Variants in RAPGEF1 observed in about 807,000 individuals in gnomAD.
RAPGEF1 encodes Rap guanine nucleotide exchange factor 1, also known as CRK SH3-binding GNRP.
Under a neutral mutation model 143.3 loss-of-function variants are expected in RAPGEF1, and 33 were observed. The ratio of observed to expected loss-of-function variants is 0.23; its 90% CI spans 0.17 to 0.31. The LOEUF (loss-of-function observed/expected upper bound fraction) is 0.31. Among genes scored for constraint, RAPGEF1 ranks in the 10% least tolerant of loss-of-function variants. RAPGEF1 has a pLI of 1.00. For synonymous variants in RAPGEF1, 629 were observed against 676.5 expected (o/e 0.93, Z 1.09); for missense variants, 1,199 against 1,645.4 (o/e 0.73, Z 4.69).
At chr9:131,619,323 T>C in intron 11 of RAPGEF1, 117 bp from the exon 12 acceptor site, 1 of 914,784 alleles carries the variant, frequency 1.1e-6, no homozygotes, top group Non-Finnish European at 1.5e-6. Context: ...TAACAGACGT[T>C]CTGGAGAGGG....
At chr9:131,738,339 G>A (rs1183754949) in intron 1 of RAPGEF1, among the ~76,000 whole-genome samples, 2 of 152,050 alleles carry the variant, frequency 1.3e-5, no homozygotes, top group Non-Finnish European at 2.9e-5. Context: ...GTACCGTTCT[G>A]ACAAGACACT....
At chr9:131,623,975 A>G (rs1349208244) in intron 10 of RAPGEF1, among the ~76,000 whole-genome samples, 1 of 152,216 alleles carries the variant, frequency 6.6e-6, no homozygotes, top group Non-Finnish European at 1.5e-5. Flanking sequence ...GACTGGGGAC[A>G]AGGATGAGGC....
Position 131,584,483 on chromosome 9 carries a change from T to G in RAPGEF1, c.3312+35A>C. 6.2e-7 allele frequency: 1 copy of G among 1,613,348 alleles called. No homozygotes were observed. The highest frequency in any genetic ancestry group is 2.2e-5 in the East Asian group (1 of 44,870). ...CCCGGGCTCCCAGAGCAGGGACTGATGATGGGGGCCTGGGAAGGACTTGGC... is the reference window on the plus strand; with the variant it reads ...CCCGGGCTCCCAGAGCAGGGACTGAGGATGGGGGCCTGGGAAGGACTTGGC... On this transcript the variant is annotated intron_variant, in intron 23 of 26. Coordinates refer to ENST00000683357, the MANE Select transcript of RAPGEF1 (RefSeq NM_001377935.1). This position sits in a 1 kb window ranked among gnomAD's most constrained non-coding sequence, Gnocchi z 6.8.
chr9:131,727,688 C>G (rs1309863989), intron 1 of RAPGEF1, among the ~76,000 whole-genome samples: 1 of 152,216 alleles, frequency 6.6e-6, no homozygotes, highest in Non-Finnish European at 1.5e-5. Context: ...GCAGCACAGG[C>G]AGTCCCTAGC....
In RAPGEF1 at chr9:131,587,722, TG is replaced by T. The variant is rs773481460; in HGVS notation, c.3233+13del. 1 of 1,611,288 alleles carries T rather than the reference TG, an allele frequency of 6.2e-7. No individual in the cohort carries two copies. Among genetic ancestry groups the T allele is most frequent in the Non-Finnish European group, 8.5e-7 (1 of 1,178,624 alleles). ...CATCCAGAGCAACAGGGCTTGGCGC[TG>T]GGCCTCTCTTACCAGTAGGACATGT... On this transcript the variant is annotated intron_variant, in intron 22 of 26. Transcript: ENST00000683357.
At chr9:131,608,572 G>A (rs989078679) in intron 12 of RAPGEF1, among the ~76,000 whole-genome samples, 4 of 152,268 alleles carry the variant, frequency 2.6e-5, no homozygotes, top group African/African-American at 9.6e-5. Context: ...AAGGAGAGTC[G>A]GCCTCTCTTG....
In RAPGEF1 at chr9:131,675,424, GT is replaced by G. The variant is rs775807298; in HGVS notation, c.62-24476del. Among the ~76,000 whole-genome samples the G allele has an allele frequency of 1.3e-5, 2 of 152,290 alleles. No individual in the cohort carries two copies. The highest frequency in any genetic ancestry group is 3.9e-4 in the East Asian group (2 of 5,170). On this transcript the variant is annotated intron_variant, in intron 1 of 26. Transcript: ENST00000683357. This position sits in a 1 kb window ranked among gnomAD's most constrained non-coding sequence, Gnocchi z 4.6. ...GTGCCGTCCACAGGGTTCACCATGT[GT>G]TTTTTTCTTCACCGGCCATGAGAAA... is the stretch of plus-strand genomic sequence containing the variant.
intron 1 of RAPGEF1, among the ~76,000 whole-genome samples, chr9:131,730,422 G>C (rs908733952): frequency 1.3e-5 from 2 of 152,012 alleles, no homozygotes; most frequent in Admixed American, 1.3e-4. Context: ...GCTCACACCT[G>C]TAATCCCAGC....
chr9:131,603,832 C>T (rs1205143824), intron 14 of RAPGEF1, 129 bp downstream of exon 14: 21 of 446,062 alleles, frequency 4.7e-5, no homozygotes, highest in Non-Finnish European at 7.5e-5. Flanking sequence ...CTGCAGGAGC[C>T]CAGTCTGCTG....
intron 15 of RAPGEF1, among the ~76,000 whole-genome samples, chr9:131,598,730 C>T (rs1213218375): frequency 2.0e-5 from 3 of 152,198 alleles, no homozygotes; most frequent in Admixed American, 2.0e-4. Context: ...TGCCACGGGA[C>T]CCTTTGCTTG....
intron 17 of RAPGEF1, among the ~76,000 whole-genome samples, chr9:131,593,411 C>G (rs550597196): frequency 3.9e-5 from 6 of 152,208 alleles, no homozygotes; most frequent in Non-Finnish European, 8.8e-5. Context: ...GCAGCCACCC[C>G]CCGTGCCTGC....
intron 1 of RAPGEF1, among the ~76,000 whole-genome samples, chr9:131,717,942 G>A (rs1835975483): frequency 6.6e-6 from 1 of 152,084 alleles, no homozygotes. Context: ...CACAGGAAGA[G>A]GAACTCATGT....
intron 1 of RAPGEF1, among the ~76,000 whole-genome samples, chr9:131,706,822 C>T (rs1209444701): frequency 6.6e-6 from 1 of 152,194 alleles, no homozygotes; most frequent in East Asian, 1.9e-4. Context: ...TGCTCCTGGT[C>T]AGTGGGGCCT....
At position 131,625,969 on chromosome 9, in the gene RAPGEF1, C is replaced by A; in HGVS notation, c.1655G>T (p.Gly552Val). Residue 552 changes from glycine to valine, a missense_variant, in exon 10 of 27, where the codon GGT (glycine) becomes GTT (valine). Gly to Val is a moderately radical substitution (Grantham distance 109, BLOSUM62 -3). This residue lies in a region of RAPGEF1 where 613 missense variants were observed against 710.9 expected (regional missense o/e 0.86). Coordinates refer to ENST00000683357, the MANE Select transcript of RAPGEF1 (RefSeq NM_001377935.1). ...TAGAGGAGGTGGTTTTTCTGGGTCA[C>A]CGGTTGACTCAGGAGCAGTAAAATC... ...VGDFTAPESTGDPEKPPPLPE... is the reference protein window; with the variant it reads ...VGDFTAPESTVDPEKPPPLPE... 2 of 1,596,078 alleles carry A rather than the reference C, an allele frequency of 1.3e-6. No homozygotes were observed. The highest frequency in any genetic ancestry group is 1.7e-6 in the Non-Finnish European group (2 of 1,165,464).
At chr9:131,728,314 G>C (rs1048187482) in intron 1 of RAPGEF1, among the ~76,000 whole-genome samples, 3 of 152,178 alleles carry the variant, frequency 2.0e-5, no homozygotes, top group Non-Finnish European at 4.4e-5. Context: ...AACACTCTGT[G>C]ATCATTTCAC....
rs1458387330 is a variant in RAPGEF1, at chr9:131,619,191, A to AAGC, written c.1918_1920dup (p.Ala640dup). ...CAGTGGGAGACAGAGGAGAAGGAAG[A>AAGC]AGCAGCACAGGAGGCCTGCTGGACA... On this transcript the variant is annotated inframe_insertion, in exon 12 of 27. Coordinates refer to ENST00000683357, the MANE Select transcript of RAPGEF1 (RefSeq NM_001377935.1). 1 of 1,305,462 alleles carries AAGC rather than the reference A, an allele frequency of 7.7e-7. No homozygotes were observed. Among genetic ancestry groups the AAGC allele is most frequent in the Non-Finnish European group, 1.0e-6 (1 of 989,840 alleles). 80.9% of individuals were successfully genotyped at this position (1,305,462 alleles called of 1,614,324 possible). A position where few individuals can be genotyped will look rare whatever the true frequency, so the allele number is the denominator to read the frequency against.
chr9:131,657,816 G>T (rs990232593), intron 1 of RAPGEF1, among the ~76,000 whole-genome samples: 80 of 152,326 alleles, frequency 5.3e-4, no homozygotes, highest in African/African-American at 1.9e-3. Context: ...CTGACTTTCA[G>T]ACTTATCATC....
At chr9:131,685,797 T>C (rs1223584437) in intron 1 of RAPGEF1, among the ~76,000 whole-genome samples, 1 of 152,112 alleles carries the variant, frequency 6.6e-6, no homozygotes, top group Non-Finnish European at 1.5e-5. Flanking sequence ...CTCCCCGACC[T>C]AGCTGGTCTT....
intron 1 of RAPGEF1, among the ~76,000 whole-genome samples, chr9:131,736,829 A>C (rs932959578): frequency 2.6e-5 from 4 of 152,220 alleles, no homozygotes; most frequent in Non-Finnish European, 5.9e-5. Flanking sequence ...ACAAAACAGC[A>C]AAACTCCAAT....
Sources: allele counts gnomAD v4.1 joint callset (sites outside exome capture counted in the v4.1 genomes callset), GRCh38; gene constraint gnomAD v4.1.1; regional missense constraint gnomAD v4.1.1; non-coding constraint Gnocchi (gnomAD v3.1); transcripts MANE v1.5; gene names NCBI Gene and HGNC (gene_info 2026-07-23, HGNC 2026-07-21).